The following PKNOX1 variants were observed in gnomAD, a reference collection of about 807,000 sequenced individuals.
The protein encoded by PKNOX1 is PBX/knotted 1 homeobox 1, also known as homeobox protein PKNOX1.
In PKNOX1, 15 loss-of-function variants were observed where a neutral mutation model predicts 51.9. The ratio of observed to expected loss-of-function variants is 0.29; its 90% confidence interval spans 0.19 to 0.45. The LOEUF (loss-of-function observed/expected upper bound fraction) is 0.45. Ranked by LOEUF, PKNOX1 falls within the 20% of genes least tolerant of loss-of-function variation. PKNOX1 has a pLI of 1.00. For synonymous variants in PKNOX1, 219 were observed against 211.1 expected, an observed-to-expected ratio of 1.04 and a Z score of -0.32; for missense variants, 462 against 547.5, an observed-to-expected ratio of 0.84 and a Z score of 1.56.
At chr21:42,999,335 C>A (rs1420536379) in intron 1 of PKNOX1, among the ~76,000 whole-genome samples, 1 of 152,202 alleles carries the variant, frequency 6.6e-6, no homozygotes. Context: ...GCCTCTGGGC[C>A]TGTGATGGGA....
chr21:42,995,729 C>T (rs189928189), intron 1 of PKNOX1, among the ~76,000 whole-genome samples: 4 of 152,134 alleles, frequency 2.6e-5, no homozygotes, highest in Admixed American at 2.6e-4. Flanking sequence ...AGATTATGTA[C>T]ATTTCCTGTT....
At chr21:43,023,588 G>A (rs746653014) in intron 8 of PKNOX1, among the ~76,000 whole-genome samples, 1 of 151,724 alleles carries the variant, frequency 6.6e-6, no homozygotes, top group Non-Finnish European at 1.5e-5. Flanking sequence ...AATCATTTTC[G>A]GTTGGTACTT....
chr21:42,979,369 A>T (rs4920021), intron 1 of PKNOX1, among the ~76,000 whole-genome samples: 2 of 152,240 alleles, frequency 1.3e-5, no homozygotes, highest in Non-Finnish European at 2.9e-5. Flanking sequence ...TTCTTCATAC[A>T]GGGTTGCCAC....
intron 7 of PKNOX1, among the ~76,000 whole-genome samples, chr21:43,019,832 G>A (rs1037788923): frequency 4.0e-5 from 6 of 151,684 alleles, no homozygotes; most frequent in South Asian, 4.2e-4. Context: ...GTGAGCTACT[G>A]CACCCAGCTC....
intron 9 of PKNOX1, 128 bp downstream of exon 9, chr21:43,025,075 C>T (rs234719): frequency 0.26 from 166,354 of 640,078 alleles, 23,330 homozygotes; most frequent in Non-Finnish European, 0.29. Flanking sequence ...CCAACTGAGA[C>T]GGGGTCTTGC....
chr21:42,994,079 C>T (rs113753994), intron 1 of PKNOX1, among the ~76,000 whole-genome samples: 8 of 139,840 alleles, frequency 5.7e-5, no homozygotes, highest in Non-Finnish European at 1.1e-4. Flanking sequence ...CTCCCTTTGT[C>T]GCCCAGGCTG....
chr21:42,996,741 A>G (rs1978521274), intron 1 of PKNOX1, among the ~76,000 whole-genome samples: 1 of 152,044 alleles, frequency 6.6e-6, no homozygotes, highest in Admixed American at 6.6e-5. Flanking sequence ...TTTTTAAAAA[A>G]ATTTGTTGTA....
intron 1 of PKNOX1, among the ~76,000 whole-genome samples, chr21:42,988,421 G>A (rs1308661377): frequency 2.0e-5 from 3 of 152,280 alleles, no homozygotes; most frequent in East Asian, 3.9e-4. Flanking sequence ...AGAACTGTTG[G>A]GAGATATGAA....
chr21:42,987,404 A>AAAAAAAATATATATATATATATAT, intron 1 of PKNOX1, among the ~76,000 whole-genome samples: 5 of 41,406 alleles, frequency 1.2e-4, no homozygotes, highest in African/African-American at 1.9e-4. Context: ...AAAAAAAAAA[A>AAAAAAAATATATATATATATATAT]ATATATATAT....
intron 2 of PKNOX1, among the ~76,000 whole-genome samples, chr21:43,005,711 C>A (rs1978958296): frequency 6.6e-6 from 1 of 152,068 alleles, no homozygotes; most frequent in South Asian, 2.1e-4. Context: ...TCTTGGGCAC[C>A]TCTCTGCCTG....
At chr21:43,001,136 G>A (rs73370263) in intron 1 of PKNOX1, among the ~76,000 whole-genome samples, 2,516 of 152,344 alleles carry the variant, frequency 0.017, 65 homozygotes, top group African/African-American at 0.058. Flanking sequence ...TTGCAGATGT[G>A]TAGGGTCTCT....
At chr21:42,989,790 T>C (rs892931193) in intron 1 of PKNOX1, among the ~76,000 whole-genome samples, 2 of 152,056 alleles carry the variant, frequency 1.3e-5, no homozygotes, top group African/African-American at 2.4e-5. Context: ...TATTAACATA[T>C]CATTTACAGG....
At position 43,000,143 on chromosome 21, in the gene PKNOX1, A is replaced by AT. The variant is rs753063590; in HGVS notation, c.-56-4179dup. Among the ~76,000 whole-genome samples the AT allele has an allele frequency of 1.2e-3, 183 of 151,880 alleles. 1 individual carries two copies. The Middle Eastern group carries it at 0.031, about 25-fold the overall frequency. On this transcript the variant is annotated intron_variant, in intron 1 of 10. Coordinates refer to ENST00000291547, the MANE Select transcript of PKNOX1 (RefSeq NM_004571.5). Reference sequence around the variant, plus strand: ...TCTAGGAAGTTCCAAACTTTCCCACATTTTCCTGTCTTCTTCTGAGCCCTC... The same window carrying AT: ...TCTAGGAAGTTCCAAACTTTCCCACATTTTTCCTGTCTTCTTCTGAGCCCTC...
chr21:43,017,036 T>A, intron 6 of PKNOX1, 29 bp downstream of exon 6: 1 of 1,459,392 alleles, frequency 6.9e-7, no homozygotes, highest in Non-Finnish European at 9.6e-7. Flanking sequence ...GGACACACTC[T>A]CCATGAGTTT....
intron 9 of PKNOX1, among the ~76,000 whole-genome samples, chr21:43,027,015 G>A (rs1220714689): frequency 6.6e-6 from 1 of 151,794 alleles, no homozygotes; most frequent in Admixed American, 6.6e-5. Flanking sequence ...TTGCAGAGGG[G>A]GGCATTAAAA....
intron 1 of PKNOX1, among the ~76,000 whole-genome samples, chr21:43,001,689 A>G (rs990895496): frequency 6.6e-6 from 1 of 152,136 alleles, no homozygotes; most frequent in African/African-American, 2.4e-5. Flanking sequence ...GGCCGGGCTC[A>G]GTGGCTCATG....
At chr21:43,015,149 G>A (rs1326641525) in intron 5 of PKNOX1, among the ~76,000 whole-genome samples, 5 of 152,266 alleles carry the variant, frequency 3.3e-5, no homozygotes, top group Non-Finnish European at 7.3e-5. Context: ...AGTGGCAAGA[G>A]CAGACATCCT....
chr21:43,018,129 C>T lies in PKNOX1; in HGVS notation c.623-4C>T, dbSNP rs144906933. ...AGCCTCATATTTTTATTCTCCCTTT[C>T]GAGGTGGCACAGTGTATCAGCCTGT... On this transcript the variant is annotated splice_polypyrimidine_tract_variant and splice_region_variant and intron_variant, in intron 6 of 10. Coordinates refer to ENST00000291547, the MANE Select transcript of PKNOX1 (RefSeq NM_004571.5). 36 of 1,568,608 alleles carry T rather than the reference C, an allele frequency of 2.3e-5. No individual in the cohort carries two copies. Among genetic ancestry groups the T allele is most frequent in the Non-Finnish European group, 3.1e-5 (35 of 1,140,460 alleles).
intron 1 of PKNOX1, among the ~76,000 whole-genome samples, chr21:42,978,625 AGACG>A (rs2059010835): frequency 6.6e-6 from 1 of 151,760 alleles, no homozygotes; most frequent in South Asian, 2.1e-4. Context: ...TTGGGACTAC[AGACG>A]TGAGCCACCA....
Sources: gnomAD v4.1 joint callset for allele counts (sites outside exome capture counted in the v4.1 genomes callset) on GRCh38, gnomAD v4.1.1 for gene constraint, MANE v1.5 for transcripts, NCBI Gene and HGNC (gene_info 2026-07-23, HGNC 2026-07-21) for gene names.